RAI1: variants seen among roughly 807,000 people sequenced by gnomAD.
RAI1 encodes retinoic acid-induced protein 1.
In RAI1, 9 loss-of-function variants were observed where a neutral mutation model predicts 123.8. The ratio of observed to expected loss-of-function variants is 0.07; its 90% CI spans 0.04 to 0.13. The LOEUF (loss-of-function observed/expected upper bound fraction) is 0.13. Among genes scored for constraint, RAI1 ranks in the 10% least tolerant of loss-of-function variants. The probability of loss-of-function intolerance (pLI) is 1.00; values close to 1 mark genes in which losing one functional copy is unlikely to be tolerated. For synonymous variants in RAI1, 1,231 were observed against 1,127.3 expected, an observed-to-expected ratio of 1.09 and a Z score of -1.84; for missense variants, 2,256 against 2,545.8, an observed-to-expected ratio of 0.89 and a Z score of 2.45.
At chr17:17,718,404 G>A (rs979343390) in intron 1 of RAI1, among the ~76,000 whole-genome samples, 8 of 152,142 alleles carry the variant, frequency 5.3e-5, no homozygotes, top group African/African-American at 1.4e-4. Context: ...GCATTTTCTC[G>A]AGTGTTTTGC....
chr17:17,746,443 C>T (rs1224580102), intron 2 of RAI1, among the ~76,000 whole-genome samples: 2 of 152,234 alleles, frequency 1.3e-5, no homozygotes, highest in Admixed American at 6.5e-5. Flanking sequence ...GAGCCCAGAG[C>T]CCCTGCCCTA....
At chr17:17,692,081 T>C (rs1398697421) in intron 1 of RAI1, among the ~76,000 whole-genome samples, 2 of 152,242 alleles carry the variant, frequency 1.3e-5, no homozygotes, top group Non-Finnish European at 2.9e-5. Flanking sequence ...GGCTCTCTTC[T>C]TGACTCCAGC....
At chr17:17,785,025 G>A (rs1010944670) in intron 2 of RAI1, among the ~76,000 whole-genome samples, 1 of 152,264 alleles carries the variant, frequency 6.6e-6, no homozygotes, top group South Asian at 2.1e-4. Context: ...GCCCCTGGGT[G>A]TCACTACATC....
intron 2 of RAI1, among the ~76,000 whole-genome samples, chr17:17,754,776 G>A (rs62064093): frequency 0.045 from 6,874 of 152,334 alleles, 224 homozygotes; most frequent in Middle Eastern, 0.068. Flanking sequence ...CTCAACTTGG[G>A]TTAGGAAGAT....
intron 1 of RAI1, among the ~76,000 whole-genome samples, chr17:17,708,425 CACAT>C (rs796330453): frequency 1.3e-4 from 17 of 128,702 alleles, no homozygotes; most frequent in African/African-American, 4.3e-4. Context: ...CACACACACA[CACAT>C]ATATATATAT....
chr17:17,811,196 T>C lies in RAI1; in HGVS notation c.*1215T>C, dbSNP rs2032777039. ...ACTTCCTGTACATATGACTGTAAAA[T>C]GGTAAACGTGTGTATTATATCTGGC... On this transcript the variant is annotated 3_prime_UTR_variant, in exon 6 of 6. Transcript: ENST00000353383. 1 of 326,554 alleles carries C rather than the reference T, an allele frequency of 3.1e-6. No homozygotes were observed. The highest frequency in any genetic ancestry group is 6.0e-6 in the Non-Finnish European group (1 of 167,202). The allele number at this position is 326,554 out of a possible 1,614,324, so 20.2% of individuals were successfully genotyped here. A position where few individuals can be genotyped will look rare whatever the true frequency, so the allele number is the denominator to read the frequency against.
rs1915989442 is a variant in RAI1, at chr17:17,724,150, G to C, written c.-26G>C. The C allele has an allele frequency of 6.6e-6, 1 of 151,958 alleles. No individual in the cohort carries two copies. The highest frequency in any genetic ancestry group is 2.4e-5 in the African/African-American group (1 of 41,302). The allele number at this position is 151,958 out of a possible 1,614,324, so 9.4% of individuals were successfully genotyped here. ...CGCCGGCGCCCGGGAGACCCAGGAG[G>C]AGCCCGCAGGTATTGTTGGCGGCGG... On this transcript the variant is annotated 5_prime_UTR_variant, in exon 2 of 6. Coordinates refer to ENST00000353383, the MANE Select transcript of RAI1 (RefSeq NM_030665.4).
intron 2 of RAI1, among the ~76,000 whole-genome samples, chr17:17,785,105 T>G (rs2031778696): frequency 6.6e-6 from 1 of 152,202 alleles, no homozygotes; most frequent in Non-Finnish European, 1.5e-5. Flanking sequence ...TGCTGTTTCC[T>G]GTGTGTCTCC....
chr17:17,751,827 T>A (rs2030185265), intron 2 of RAI1, among the ~76,000 whole-genome samples: 2 of 152,202 alleles, frequency 1.3e-5, no homozygotes, highest in African/African-American at 4.8e-5. Flanking sequence ...CCTTAGCGAA[T>A]GTTTCCCCCA....
At position 17,809,262 on chromosome 17, in the gene RAI1, C is replaced by T. The variant is rs1053441623; in HGVS notation, c.5660-128C>T. ...GGTTTTGTGCAGAATCTGATTAACTCTTTGAAAAGAGCCCCTGCAGTCTGG... is the reference window on the plus strand; with the variant it reads ...GGTTTTGTGCAGAATCTGATTAACTTTTTGAAAAGAGCCCCTGCAGTCTGG... On this transcript the variant is annotated intron_variant, in intron 4 of 5. Transcript: ENST00000353383. The surrounding 1 kb of genome is among the most constrained non-coding windows in gnomAD (Gnocchi z 4.9). 2.4e-6 allele frequency: 2 copies of T among 839,084 alleles called. No homozygotes were observed. The highest frequency in any genetic ancestry group is 3.3e-5 in the African/African-American group (2 of 59,984). The allele number at this position is 839,084 out of a possible 1,614,324, so 52.0% of individuals were successfully genotyped here. A position where few individuals can be genotyped will look rare whatever the true frequency, so the allele number is the denominator to read the frequency against.
intron 2 of RAI1, among the ~76,000 whole-genome samples, chr17:17,728,907 C>T (rs576750404): frequency 1.3e-5 from 2 of 152,328 alleles, no homozygotes; most frequent in East Asian, 3.9e-4. Context: ...CTGCAGGACC[C>T]CTGGGAGGCT....
At position 17,810,216 on chromosome 17, in the gene RAI1, C is replaced by A. The variant is rs1390069177; in HGVS notation, c.*235C>A. ...CGCCTGCTCCCGGAACCGGACGGCA[C>A]AGGGCGTTCTTGCCCACCCCAGGGG... On this transcript the variant is annotated 3_prime_UTR_variant, in exon 6 of 6. Coordinates refer to ENST00000353383, the MANE Select transcript of RAI1 (RefSeq NM_030665.4). The surrounding 1 kb of genome is among the most constrained non-coding windows in gnomAD (Gnocchi z 4.6). 1 of 612,978 alleles carries A rather than the reference C, an allele frequency of 1.6e-6. No homozygotes were observed. The highest frequency in any genetic ancestry group is 2.7e-6 in the Non-Finnish European group (1 of 365,902). 38.0% of individuals were successfully genotyped at this position (612,978 alleles called of 1,614,324 possible).
rs746354411 is a variant in RAI1, at chr17:17,797,256, G to C, written c.4308G>C (p.Gln1436His). 1.6e-5 allele frequency: 26 copies of C among 1,613,194 alleles called. 1 individual carries two copies. In the South Asian group the frequency reaches 2.9e-4, roughly 18 times the overall value. The change falls in exon 3 of 6, where the codon CAG (glutamine) becomes CAC (histidine). Residue 1436 changes from glutamine to histidine, a missense_variant. Physicochemically the swap from Gln to His is conservative, Grantham distance 24 (BLOSUM62 0). Around this residue, in one of 7 missense-constraint regions of RAI1, gnomAD observed 410 missense variants for 374.6 expected, o/e 1.09. Transcript: ENST00000353383. Reference sequence around the variant, plus strand: ...CCTTCACATCCCCGGAGGCCCTGCAGCCTGGGGGGACTGCCCTGGCGCCTA... The same window carrying C: ...CCTTCACATCCCCGGAGGCCCTGCACCCTGGGGGGACTGCCCTGGCGCCTA... ...TEAFTSPEALQPGGTALAPKK... is the reference protein window; with the variant it reads ...TEAFTSPEALHPGGTALAPKK...
chr17:17,681,952 C>T (rs1429254354), intron 1 of RAI1, among the ~76,000 whole-genome samples, 159 bp downstream of exon 1: 1 of 150,382 alleles, frequency 6.6e-6, no homozygotes, highest in Non-Finnish European at 1.5e-5. Context: ...GGGGTCCTTG[C>T]TTTGTGTGGT....
chr17:17,787,696 G>A (rs146659346), intron 2 of RAI1, among the ~76,000 whole-genome samples: 18 of 152,308 alleles, frequency 1.2e-4, no homozygotes, highest in Non-Finnish European at 1.0e-4. Context: ...CCCAGGAATC[G>A]GCACCAAGGA....
Position 17,797,828 on chromosome 17 carries a change from C to T in RAI1, c.4880C>T (p.Pro1627Leu), listed in dbSNP as rs1567928608. The part of the protein sequence containing the change: ...PGDAPKPHRK[P>L]SSSASSSSSS... ...GATGCGCCCAAGCCCCACAGGAAGC[C>T]TTCCTCCTCTGCCTCCTCTTCCTCA... is the stretch of plus-strand genomic sequence containing the variant. Residue 1627 changes from proline to leucine, a missense_variant, in exon 3 of 6, where the codon CCT becomes CTT. Pro to Leu is a moderately conservative substitution (Grantham distance 98, BLOSUM62 -3). This residue lies in a region of RAI1 where 410 missense variants were observed against 374.6 expected (regional missense o/e 1.09). Transcript: ENST00000353383. The T allele has an allele frequency of 1.2e-6, 2 of 1,614,070 alleles. No homozygotes were observed. Among genetic ancestry groups the T allele is most frequent in the South Asian group, 1.1e-5 (1 of 91,086 alleles).
intron 1 of RAI1, among the ~76,000 whole-genome samples, chr17:17,698,013 A>G (rs1638292488): frequency 6.6e-6 from 1 of 152,118 alleles, no homozygotes; most frequent in Non-Finnish European, 1.5e-5. Context: ...CTGGGTGAGC[A>G]CTGACAACAC....
intron 2 of RAI1, among the ~76,000 whole-genome samples, chr17:17,786,160 C>G (rs2031820013): frequency 6.6e-6 from 1 of 152,122 alleles, no homozygotes; most frequent in African/African-American, 2.4e-5. Flanking sequence ...GCCAGTTTGT[C>G]TCCATACCCA....
chr17:17,721,275 T>G (rs1025464892), intron 1 of RAI1, among the ~76,000 whole-genome samples: 4 of 152,228 alleles, frequency 2.6e-5, no homozygotes, highest in Admixed American at 2.0e-4. Context: ...CATTGTTCCA[T>G]GCATTCACTC....
Sources: gnomAD v4.1 joint callset for allele counts (sites outside exome capture counted in the v4.1 genomes callset) on GRCh38, gnomAD v4.1.1 for gene constraint, gnomAD v4.1.1 regional missense constraint, Gnocchi (gnomAD v3.1) non-coding constraint, MANE v1.5 for transcripts, NCBI Gene and HGNC (gene_info 2026-07-23, HGNC 2026-07-21) for gene names.